Variants in TRAF3IP2 observed in about 807,000 individuals in gnomAD.
TRAF3IP2 encodes the protein TRAF3 interacting protein 2, also known as E3 ubiquitin ligase TRAF3IP2.
In TRAF3IP2, 35 loss-of-function variants were observed where a neutral mutation model predicts 57.9. That is an observed-to-expected ratio of 0.60 (90% CI 0.46 to 0.80). TRAF3IP2 has a LOEUF of 0.80. Among genes scored for constraint, TRAF3IP2 ranks in the 30% least tolerant of loss-of-function variants. The pLI is 0.00. For synonymous variants in TRAF3IP2, 251 were observed against 268.9 expected (o/e 0.93, Z 0.65); for missense variants, 556 against 706.4 (o/e 0.79, Z 2.41).
chr6:111,565,627 C>A (rs1326671945), intron 7 of TRAF3IP2, among the ~76,000 whole-genome samples: 2 of 152,100 alleles, frequency 1.3e-5, no homozygotes, highest in African/African-American at 2.4e-5. Context: ...TGTCTCACAG[C>A]GTCTCTATAA....
At chr6:111,566,876 C>T in intron 6 of TRAF3IP2, 3 of 388,888 alleles carry the variant, frequency 7.7e-6, no homozygotes, top group Non-Finnish European at 1.5e-5. Flanking sequence ...GGCAAAAAGG[C>T]ACTGCAACAC....
intron 6 of TRAF3IP2, 80 bp downstream of exon 6, chr6:111,567,544 G>T: frequency 1.4e-6 from 2 of 1,473,030 alleles, no homozygotes; most frequent in Non-Finnish European, 1.8e-6. Flanking sequence ...GGTATGCCAG[G>T]GTTTCTTTAA....
chr6:111,591,897 G>A lies in TRAF3IP2; in HGVS notation c.190C>T (p.His64Tyr). The change falls in exon 2 of 9, where the codon CAC becomes TAC. Residue 64 changes from histidine (H) to tyrosine (Y), a missense_variant. His to Tyr is a moderately conservative substitution (Grantham distance 83, BLOSUM62 2). Transcript: ENST00000368761. This position sits in a 1 kb window ranked among gnomAD's most constrained non-coding sequence, Gnocchi z 4.9. The stretch of plus-strand genomic sequence containing the variant: ...TGATTTGCAAGTTTCAGGGTTGAGT[G>A]AGCTTGAGAAAAGTCTCCGGAGGAA... ...HNSSGDFSQA[H>Y]STLKLANHQR... The A allele has an allele frequency of 6.2e-7, 1 of 1,614,240 alleles. No homozygotes were observed. Among genetic ancestry groups the A allele is most frequent in the Non-Finnish European group, 8.5e-7 (1 of 1,180,046 alleles).
intron 8 of TRAF3IP2, among the ~76,000 whole-genome samples, chr6:111,561,994 T>C (rs1795464111): frequency 6.6e-6 from 1 of 152,082 alleles, no homozygotes; most frequent in Non-Finnish European, 1.5e-5. Flanking sequence ...AACTGGAGCC[T>C]CCCTCATCCA....
intron 2 of TRAF3IP2, among the ~76,000 whole-genome samples, chr6:111,587,466 G>C (rs1796375544): frequency 6.6e-6 from 1 of 151,964 alleles, no homozygotes; most frequent in South Asian, 2.1e-4. Flanking sequence ...TATTGGCCAG[G>C]CTGGTCTTGA....
chr6:111,573,227 G>A (rs553610384), intron 4 of TRAF3IP2, among the ~76,000 whole-genome samples: 2 of 152,274 alleles, frequency 1.3e-5, no homozygotes, highest in South Asian at 2.1e-4. Context: ...AAATCAGAGC[G>A]ACAGAGGAGA....
intron 6 of TRAF3IP2, chr6:111,567,304 T>G (rs1795684784): frequency 1.9e-6 from 2 of 1,071,218 alleles, no homozygotes; most frequent in Non-Finnish European, 2.3e-6. Context: ...GGCCTCAGAT[T>G]AAATTGAATT....
intron 1 of TRAF3IP2, among the ~76,000 whole-genome samples, chr6:111,598,647 T>C (rs545813808): frequency 3.3e-5 from 5 of 152,280 alleles, no homozygotes; most frequent in African/African-American, 9.6e-5. Flanking sequence ...TGAGGAACAG[T>C]GGTTGCCTCT....
At chr6:111,596,480 G>A (rs1796694666) in intron 1 of TRAF3IP2, among the ~76,000 whole-genome samples, 1 of 152,092 alleles carries the variant, frequency 6.6e-6, no homozygotes, top group African/African-American at 2.4e-5. Flanking sequence ...CTGAGACGGA[G>A]TCTTGCTCTG....
chr6:111,581,238 G>A (rs1212820244), intron 2 of TRAF3IP2, among the ~76,000 whole-genome samples: 1 of 152,244 alleles, frequency 6.6e-6, no homozygotes, highest in Non-Finnish European at 1.5e-5. Context: ...AAGTAAGGGT[G>A]AGAGGGAAGG....
chr6:111,593,516 G>T (rs937371197), intron 1 of TRAF3IP2, among the ~76,000 whole-genome samples: 1 of 152,132 alleles, frequency 6.6e-6, no homozygotes, highest in Non-Finnish European at 1.5e-5. Context: ...CCTACAGAAA[G>T]ATACCTCTCC....
chr6:111,581,868 C>T (rs540817372), intron 2 of TRAF3IP2, among the ~76,000 whole-genome samples: 3 of 152,278 alleles, frequency 2.0e-5, no homozygotes, highest in Admixed American at 1.3e-4. Context: ...ACCCCAGCTA[C>T]TCAGGAAGCT....
chr6:111,589,071 C>CTT (rs372254400), intron 2 of TRAF3IP2, among the ~76,000 whole-genome samples: 25,751 of 123,074 alleles, frequency 0.21, 3,579 homozygotes, highest in Middle Eastern at 0.32. Context: ...GAAAAATTAT[C>CTT]TTTTTTTTTT....
At chr6:111,575,531 T>C in intron 4 of TRAF3IP2, 112 bp downstream of exon 4, 4 of 1,223,774 alleles carry the variant, frequency 3.3e-6, no homozygotes, top group Non-Finnish European at 3.4e-6. Context: ...GAGCTTGCAG[T>C]GAGCTGAGAT....
chr6:111,567,414 G>T, intron 6 of TRAF3IP2: 1 of 1,304,306 alleles, frequency 7.7e-7, no homozygotes, highest in Non-Finnish European at 9.7e-7. Flanking sequence ...TGTCTGGTTT[G>T]ACCGTTATTT....
chr6:111,601,766 C>T (rs757152423), intron 1 of TRAF3IP2: 3 of 152,164 alleles, frequency 2.0e-5, no homozygotes, highest in South Asian at 2.1e-4. Context: ...AGATCTACTT[C>T]GGATCAGAAA....
At chr6:111,605,323 TC>T (rs907045728) in intron 1 of TRAF3IP2, among the ~76,000 whole-genome samples, 2 of 152,064 alleles carry the variant, frequency 1.3e-5, no homozygotes, top group Non-Finnish European at 2.9e-5. Flanking sequence ...TTGATTTTTT[TC>T]CCCCCTGCAC....
At chr6:111,561,599 G>C (rs967786612) in intron 8 of TRAF3IP2, among the ~76,000 whole-genome samples, 1 of 152,132 alleles carries the variant, frequency 6.6e-6, no homozygotes. Flanking sequence ...ATGTGTGAGG[G>C]CATGCTGAAA....
chr6:111,590,610 AAG>A (rs1014097022), intron 2 of TRAF3IP2, among the ~76,000 whole-genome samples: 1 of 152,168 alleles, frequency 6.6e-6, no homozygotes, highest in African/African-American at 2.4e-5. Context: ...GAACATCCCC[AAG>A]AGAGAGAAGA....
Sources: allele counts gnomAD v4.1 joint callset (sites outside exome capture counted in the v4.1 genomes callset), GRCh38; gene constraint gnomAD v4.1.1; non-coding constraint Gnocchi (gnomAD v3.1); transcripts MANE v1.5; gene names NCBI Gene and HGNC (gene_info 2026-07-23, HGNC 2026-07-21).